ANTXR1: variants seen among roughly 807,000 people sequenced by gnomAD.
ANTXR1 encodes the protein anthrax toxin receptor 1.
In ANTXR1, 19 loss-of-function variants were observed where a neutral mutation model predicts 78.1. The observed-to-expected ratio is 0.24, with a 90% CI of 0.17 to 0.36. The LOEUF is 0.36. Ranked by LOEUF, ANTXR1 falls within the 10% of genes least tolerant of loss-of-function variation. ANTXR1 has a pLI of 1.00. For missense variants in ANTXR1, 518 were observed against 718.6 expected (o/e 0.72, Z 3.19); for synonymous variants, 273 against 260.5 (o/e 1.05, Z -0.46).
chr2:69,087,729 A>T (rs1671099194), intron 8 of ANTXR1, among the ~76,000 whole-genome samples: 1 of 152,046 alleles, frequency 6.6e-6, no homozygotes, highest in African/African-American at 2.4e-5. Context: ...GCGATTCCCC[A>T]GTGCTGTGTC....
At chr2:69,065,495 G>C (rs183971449) in intron 3 of ANTXR1, among the ~76,000 whole-genome samples, 10 of 151,368 alleles carry the variant, frequency 6.6e-5, no homozygotes, top group African/African-American at 2.4e-4. Flanking sequence ...ATCAGGAAAG[G>C]GAATATTACT....
rs139573462 is a variant in ANTXR1 at position 69,140,778 on chromosome 2, T to C, written c.952-11391T>C. Among the ~76,000 whole-genome samples, 135 of 152,368 alleles carry C rather than the reference T, an allele frequency of 8.9e-4. 1 individual carries two copies. Among genetic ancestry groups the C allele is most frequent in the African/African-American group, 3.1e-3 (131 of 41,592 alleles). Reference sequence around the variant, plus strand: ...TCATTTGGATGTGGGAATTCAGTTATGTTCACTACATGAACAGCCTCATTG... The same window carrying C: ...TCATTTGGATGTGGGAATTCAGTTACGTTCACTACATGAACAGCCTCATTG... On this transcript the variant is annotated intron_variant, in intron 12 of 17. Transcript: ENST00000303714.
intron 9 of ANTXR1, 63 bp downstream of exon 9, chr2:69,090,982 G>C: frequency 2.6e-6 from 4 of 1,527,474 alleles, no homozygotes; most frequent in East Asian, 4.5e-5. Context: ...TTCAAGTCAC[G>C]TATGTACTTC....
chr2:69,229,420 G>A lies in ANTXR1; in HGVS notation c.1435-15805G>A, dbSNP rs368026381. On this transcript the variant is annotated intron_variant, in intron 17 of 17. Coordinates refer to ENST00000303714, the MANE Select transcript of ANTXR1 (RefSeq NM_032208.3). The stretch of plus-strand genomic sequence containing the variant: ...ATATATGGAGCGGGATGATATCAGC[G>A]CTGTGCACCAGATGAATCAGTAATT... Among the ~76,000 whole-genome samples the A allele has an allele frequency of 2.2e-4, 33 of 152,224 alleles. No homozygotes were observed. In the South Asian group the frequency reaches 6.0e-3, roughly 28 times the overall value.
At chr2:69,038,623 A>G (rs546807490) in intron 1 of ANTXR1, among the ~76,000 whole-genome samples, 13 of 152,340 alleles carry the variant, frequency 8.5e-5, no homozygotes, top group African/African-American at 3.1e-4. Context: ...GTATGTGAAT[A>G]TATTCATAGA....
At chr2:69,240,205 G>A (rs1341699615) in intron 17 of ANTXR1, among the ~76,000 whole-genome samples, 1 of 152,238 alleles carries the variant, frequency 6.6e-6, no homozygotes. Flanking sequence ...CGGTGTGTGA[G>A]CAGTACTTGT....
chr2:69,131,462 G>A (rs867573131), intron 12 of ANTXR1, among the ~76,000 whole-genome samples: 17 of 152,300 alleles, frequency 1.1e-4, no homozygotes, highest in African/African-American at 3.4e-4. Context: ...GCGGGCCTCC[G>A]GCTGCCATAT....
chr2:69,100,772 A>G (rs953190962), intron 9 of ANTXR1, among the ~76,000 whole-genome samples: 3 of 152,256 alleles, frequency 2.0e-5, no homozygotes, highest in Non-Finnish European at 4.4e-5. Context: ...CTGAGCAAAT[A>G]AGAGAAGATA....
At chr2:69,207,409 C>T (rs751853540) in intron 17 of ANTXR1, among the ~76,000 whole-genome samples, 13 of 152,174 alleles carry the variant, frequency 8.5e-5, no homozygotes, top group Non-Finnish European at 1.8e-4. Flanking sequence ...GAAATACCAA[C>T]ATTAGAATGG....
intron 12 of ANTXR1, chr2:69,145,926 A>T: frequency 1.0e-6 from 1 of 985,740 alleles, no homozygotes; most frequent in Non-Finnish European, 1.2e-6. Context: ...TGCTTTCATT[A>T]TTGAAGTTCC....
intron 9 of ANTXR1, among the ~76,000 whole-genome samples, chr2:69,097,658 T>C (rs1156575174): frequency 6.6e-6 from 1 of 152,206 alleles, no homozygotes; most frequent in African/African-American, 2.4e-5. Context: ...AGCACAACAC[T>C]TTGGAAGAGT....
intron 1 of ANTXR1, among the ~76,000 whole-genome samples, chr2:69,023,494 A>G (rs78583813): frequency 0.028 from 3,600 of 130,726 alleles, 131 homozygotes; most frequent in African/African-American, 0.11. Flanking sequence ...TGATGGTGAT[A>G]TGGTGGTGGT....
intron 8 of ANTXR1, among the ~76,000 whole-genome samples, chr2:69,088,831 C>T (rs1404929787): frequency 6.6e-6 from 1 of 152,162 alleles, no homozygotes; most frequent in Non-Finnish European, 1.5e-5. Flanking sequence ...GTCCTTGTTC[C>T]CAAGTTAGAC....
chr2:69,217,861 A>G (rs1675217307), intron 17 of ANTXR1, among the ~76,000 whole-genome samples: 1 of 152,144 alleles, frequency 6.6e-6, no homozygotes, highest in African/African-American at 2.4e-5. Context: ...AGAAGAAATT[A>G]TGAGAGAATG....
Position 69,171,431 on chromosome 2 carries a change from G to T in ANTXR1, c.1089+1142G>T, listed in dbSNP as rs532013162. Among the ~76,000 whole-genome samples the T allele has an allele frequency of 9.8e-5, 15 of 152,342 alleles. No homozygotes were observed. The East Asian group carries it at 2.9e-3, about 29-fold the overall frequency. ...CCTTCAAGAGAAAGTACCGTGGCTA[G>T]TTCCACGACTGCAATTGGCTTTGCT... On this transcript the variant is annotated intron_variant, in intron 14 of 17. Transcript: ENST00000303714.
intron 8 of ANTXR1, among the ~76,000 whole-genome samples, chr2:69,082,685 T>C (rs4241347): frequency 0.74 from 112,251 of 151,720 alleles, 42,628 homozygotes; most frequent in African/African-American, 0.91. Flanking sequence ...CTGGTTACCG[T>C]GATGCCAGCT....
intron 12 of ANTXR1, among the ~76,000 whole-genome samples, chr2:69,132,458 C>T (rs1672779207): frequency 6.6e-6 from 1 of 152,196 alleles, no homozygotes; most frequent in South Asian, 2.1e-4. Context: ...GTCATTATGA[C>T]TCTTTAGGTA....
chr2:69,170,904 G>A (rs1253180284), intron 14 of ANTXR1, among the ~76,000 whole-genome samples: 1 of 152,218 alleles, frequency 6.6e-6, no homozygotes. Context: ...TGATGCAAGG[G>A]TGGCCTGGAG....
intron 14 of ANTXR1, 80 bp from the exon 15 acceptor site, chr2:69,181,706 T>C: frequency 1.5e-6 from 2 of 1,340,590 alleles, no homozygotes; most frequent in Middle Eastern, 1.8e-4. Flanking sequence ...TAAGCTCTAC[T>C]CCTAATCACT....
Sources: gnomAD v4.1 joint callset for allele counts (sites outside exome capture counted in the v4.1 genomes callset) on GRCh38, gnomAD v4.1.1 for gene constraint, MANE v1.5 for transcripts, NCBI Gene and HGNC (gene_info 2026-07-23, HGNC 2026-07-21) for gene names.